The following PIGN variants were observed in gnomAD, a reference collection of about 807,000 sequenced individuals.
PIGN encodes phosphatidylinositol glycan anchor biosynthesis class N, also known as GPI ethanolamine phosphate transferase 1.
A neutral mutation model predicts 125.4 loss-of-function variants in PIGN; 117 were observed. The ratio of observed to expected loss-of-function variants is 0.93; its 90% CI spans 0.80 to 1.09. The LOEUF is 1.09. Ranked by LOEUF, PIGN falls within the 50% of genes least tolerant of loss-of-function variation. The pLI is 0.00. For synonymous variants in PIGN, 392 were observed against 377.8 expected (o/e 1.04, Z -0.44); for missense variants, 1,075 against 1,094.9 (o/e 0.98, Z 0.26).
chr18:62,020,670 C>A (rs1665517035), intron 23 of PIGN, among the ~76,000 whole-genome samples: 1 of 151,882 alleles, frequency 6.6e-6, no homozygotes, highest in South Asian at 2.1e-4. Flanking sequence ...TAAAGACTGG[C>A]CGGGCGCGGT....
intron 14 of PIGN, among the ~76,000 whole-genome samples, chr18:62,118,876 A>G (rs1029802844): frequency 1.2e-4 from 18 of 147,466 alleles, no homozygotes; most frequent in African/African-American, 4.1e-4. Context: ...TCTTGATGAG[A>G]AAAGAGGTGA....
intron 28 of PIGN, among the ~76,000 whole-genome samples, chr18:62,077,292 C>T (rs958132281): frequency 6.6e-6 from 1 of 152,024 alleles, no homozygotes; most frequent in Non-Finnish European, 1.5e-5. Flanking sequence ...GCACGAGAAT[C>T]GATTGAATGT....
intron 1 of PIGN, among the ~76,000 whole-genome samples, chr18:62,175,995 T>C (rs1599694716): frequency 6.6e-6 from 1 of 152,286 alleles, no homozygotes; most frequent in East Asian, 1.9e-4. Context: ...CAGGCTCTAT[T>C]GTCTCAAATT....
At chr18:62,150,863 G>A (rs577936462) in intron 7 of PIGN, among the ~76,000 whole-genome samples, 94 of 151,974 alleles carry the variant, frequency 6.2e-4, no homozygotes, top group Non-Finnish European at 1.1e-3. Flanking sequence ...CACCATGCCC[G>A]GCTAATTTTT....
At chr18:62,121,043 G>C (rs1257788854) in intron 14 of PIGN, among the ~76,000 whole-genome samples, 3 of 152,176 alleles carry the variant, frequency 2.0e-5, no homozygotes, top group Admixed American at 6.5e-5. Flanking sequence ...CAATGCTGCT[G>C]TCATTATACT....
rs1026211696 is a variant in PIGN at position 62,042,124 on chromosome 18, G to A, written c.*3732C>T. The A allele has an allele frequency of 1.6e-4, 25 of 152,072 alleles. No individual in the cohort carries two copies. The highest frequency in any genetic ancestry group is 6.0e-4 in the African/African-American group (25 of 41,412). 9.4% of individuals were successfully genotyped at this position (152,072 alleles called of 1,614,324 possible). On this transcript the variant is annotated 3_prime_UTR_variant, in exon 31 of 31. Coordinates refer to ENST00000640252, the MANE Select transcript of PIGN (RefSeq NM_176787.5). ...CTGCTTGAGGTCAGGAGTTCAAGAT[G>A]AGCCTGACAAACATGGTGAAACCTT...
chr18:62,129,173 TC>T (rs2035641559), intron 14 of PIGN, among the ~76,000 whole-genome samples: 1 of 152,160 alleles, frequency 6.6e-6, no homozygotes, highest in Non-Finnish European at 1.5e-5. Flanking sequence ...AGTCGCATCA[TC>T]CTTGGTAGCT....
downstream of PIGN, among the ~76,000 whole-genome samples, chr18:62,039,648 A>C (rs1305950937): frequency 1.6e-4 from 16 of 102,292 alleles, no homozygotes; most frequent in Admixed American, 2.0e-4. Context: ...ATTAGGGCCC[A>C]TTCAGGGTGC....
chr18:62,091,303 C>A (rs1163207888), intron 23 of PIGN, among the ~76,000 whole-genome samples: 2 of 152,104 alleles, frequency 1.3e-5, no homozygotes, highest in Non-Finnish European at 1.5e-5. Context: ...TGAGATCACG[C>A]CACTGCACTC....
intron 1 of PIGN, among the ~76,000 whole-genome samples, chr18:62,185,047 A>C (rs2037847797): frequency 6.6e-6 from 1 of 152,222 alleles, no homozygotes; most frequent in African/African-American, 2.4e-5. Flanking sequence ...CTATCTTATA[A>C]GCATAATCCT....
downstream of PIGN, among the ~76,000 whole-genome samples, chr18:62,036,218 T>C (rs2030258710): frequency 6.6e-6 from 1 of 152,084 alleles, no homozygotes; most frequent in African/African-American, 2.4e-5. Flanking sequence ...TTTTTTTTCT[T>C]TTTTTTTCTT....
intron 30 of PIGN, among the ~76,000 whole-genome samples, chr18:62,072,107 G>A (rs1487545968): frequency 6.7e-6 from 1 of 148,948 alleles, no homozygotes; most frequent in Non-Finnish European, 1.5e-5. Flanking sequence ...TATCAAAAAA[G>A]TTTAAAAAGT....
chr18:62,061,890 T>G (rs1373320152), intron 30 of PIGN, among the ~76,000 whole-genome samples: 1 of 152,128 alleles, frequency 6.6e-6, no homozygotes, highest in African/African-American at 2.4e-5. Flanking sequence ...CGTATGGTGC[T>G]TTAGTTTTGA....
At chr18:62,027,761 G>T (rs1340963254) in intron 23 of PIGN, among the ~76,000 whole-genome samples, 1 of 152,116 alleles carries the variant, frequency 6.6e-6, no homozygotes, top group East Asian at 1.9e-4. Flanking sequence ...GAGAACTTTA[G>T]CTGGGTGTGG....
At chr18:62,079,380 T>C (rs1471694028) in intron 28 of PIGN, among the ~76,000 whole-genome samples, 2 of 152,220 alleles carry the variant, frequency 1.3e-5, no homozygotes, top group East Asian at 1.9e-4. Context: ...GCCCGGTATA[T>C]GATACAAACT....
At position 62,143,290 on chromosome 18, in the gene PIGN, A is replaced by C. The variant is rs545789295; in HGVS notation, c.963+16T>G. 7.1e-7 allele frequency: 1 copy of C among 1,403,584 alleles called. No individual in the cohort carries two copies. Among genetic ancestry groups the C allele is most frequent in the Admixed American group, 1.9e-5 (1 of 51,792 alleles). The allele number at this position is 1,403,584 out of a possible 1,614,324, so 86.9% of individuals were successfully genotyped here. A position where few individuals can be genotyped will look rare whatever the true frequency, so the allele number is the denominator to read the frequency against. On this transcript the variant is annotated intron_variant, in intron 11 of 30. Transcript: ENST00000640252. ...GATAAAATTAAATTTGAATGTAATA[A>C]AATCGAACTGGATACCTGATTGACA...
chr18:62,029,001 G>A (rs762480260), intron 23 of PIGN, among the ~76,000 whole-genome samples: 1 of 152,234 alleles, frequency 6.6e-6, no homozygotes, highest in Non-Finnish European at 1.5e-5. Flanking sequence ...GCCATGGAGA[G>A]TTCTAGCACA....
chr18:62,115,548 A>G (rs940177852), intron 14 of PIGN, among the ~76,000 whole-genome samples: 1 of 152,066 alleles, frequency 6.6e-6, no homozygotes, highest in Admixed American at 6.6e-5. Flanking sequence ...TGGCAACTGC[A>G]CATGGGTCGA....
At chr18:62,178,979 CTGTGATAATTTCTCAGACTTTGCT>C (rs564280842) in intron 1 of PIGN, among the ~76,000 whole-genome samples, 1 of 152,260 alleles carries the variant, frequency 6.6e-6, no homozygotes, top group South Asian at 2.1e-4. Context: ...CTTCTCTTGG[CTGTGATAATTTCTCAGACTTTGCT>C]TGTTTTGATG....
Sources: gnomAD v4.1 joint callset for allele counts (sites outside exome capture counted in the v4.1 genomes callset) on GRCh38, gnomAD v4.1.1 for gene constraint, MANE v1.5 for transcripts, NCBI Gene and HGNC (gene_info 2026-07-23, HGNC 2026-07-21) for gene names.